The following EFCAB11 variants were observed in gnomAD, a reference collection of about 807,000 sequenced individuals.
The protein encoded by EFCAB11 is EF-hand calcium-binding domain-containing protein 11.
In EFCAB11, 14 loss-of-function variants were observed where a neutral mutation model predicts 23.0. That is an observed-to-expected ratio of 0.61 (90% CI 0.40 to 0.95). EFCAB11 has a LOEUF of 0.95. Among genes scored for constraint, EFCAB11 ranks in the 40% least tolerant of loss-of-function variants. The pLI, the probability that EFCAB11 is intolerant of heterozygous loss-of-function variation, is 0.00. For missense variants in EFCAB11, 198 were observed against 195.8 expected (o/e 1.01, Z -0.07); for synonymous variants, 65 against 66.6 (o/e 0.98, Z 0.11).
chr14:89,932,052 G>A (rs1890408899), intron 4 of EFCAB11, among the ~76,000 whole-genome samples: 1 of 152,160 alleles, frequency 6.6e-6, no homozygotes, highest in Admixed American at 6.5e-5. Flanking sequence ...CATAACAGCA[G>A]TCAAGACACT....
chr14:89,915,972 C>G (rs1215726962), intron 5 of EFCAB11, among the ~76,000 whole-genome samples: 4 of 152,180 alleles, frequency 2.6e-5, no homozygotes, highest in South Asian at 4.2e-4. Flanking sequence ...TATATGCTAT[C>G]TAGCCATCCT....
At chr14:89,903,232 T>C (rs1375538660) in intron 5 of EFCAB11, among the ~76,000 whole-genome samples, 1 of 152,222 alleles carries the variant, frequency 6.6e-6, no homozygotes, top group Non-Finnish European at 1.5e-5. Flanking sequence ...AGTTTCAGAA[T>C]CTAATTATAG....
At chr14:89,804,177 C>G (rs542556463) in intron 5 of EFCAB11, among the ~76,000 whole-genome samples, 1 of 152,216 alleles carries the variant, frequency 6.6e-6, no homozygotes, top group South Asian at 2.1e-4. Context: ...CCCTACCCCC[C>G]AAACGTGGAA....
In EFCAB11 at chr14:89,796,662, A is replaced by G. The variant is rs1885582646; in HGVS notation, c.*581T>C. Reference sequence around the variant, plus strand: ...CCTGGCTGATTGCTTGGAACATAGTAAGTATTCTGTATGTGTAGGTGCTAT... The same window carrying G: ...CCTGGCTGATTGCTTGGAACATAGTGAGTATTCTGTATGTGTAGGTGCTAT... On this transcript the variant is annotated 3_prime_UTR_variant, in exon 6 of 6. Transcript: ENST00000316738. The G allele has an allele frequency of 6.6e-6, 1 of 152,154 alleles. No individual in the cohort carries two copies. 9.4% of individuals were successfully genotyped at this position (152,154 alleles called of 1,614,324 possible). A position where few individuals can be genotyped will look rare whatever the true frequency, so the allele number is the denominator to read the frequency against.
intron 5 of EFCAB11, among the ~76,000 whole-genome samples, chr14:89,900,759 A>G (rs182368560): frequency 6.6e-6 from 1 of 152,372 alleles, no homozygotes; most frequent in African/African-American, 2.4e-5. Context: ...TGGAATTAAT[A>G]TCAGCAAATC....
intron 5 of EFCAB11, among the ~76,000 whole-genome samples, chr14:89,798,731 T>C (rs1410425805): frequency 3.3e-5 from 5 of 152,218 alleles, no homozygotes; most frequent in South Asian, 2.1e-4. Flanking sequence ...TGAATGCTTG[T>C]AGAGAAGCAA....
chr14:89,855,619 G>C (rs1346928027), intron 5 of EFCAB11, among the ~76,000 whole-genome samples: 1 of 151,548 alleles, frequency 6.6e-6, no homozygotes, highest in Non-Finnish European at 1.5e-5. Flanking sequence ...CCATTTTTTT[G>C]TTTTTGTGGC....
chr14:89,873,651 A>G (rs1888350484), intron 5 of EFCAB11, among the ~76,000 whole-genome samples: 1 of 152,180 alleles, frequency 6.6e-6, no homozygotes, highest in Non-Finnish European at 1.5e-5. Context: ...CAGATGGGAG[A>G]AATTGGCCAA....
chr14:89,895,135 G>A (rs1889115101), intron 5 of EFCAB11, among the ~76,000 whole-genome samples: 1 of 152,090 alleles, frequency 6.6e-6, no homozygotes, highest in Non-Finnish European at 1.5e-5. Context: ...AAATAGAATG[G>A]GGGTTGGCAT....
At chr14:89,935,320 G>GT (rs1164658775) in intron 3 of EFCAB11, among the ~76,000 whole-genome samples, 1 of 151,332 alleles carries the variant, frequency 6.6e-6, no homozygotes, top group African/African-American at 2.4e-5. Flanking sequence ...TGTTTGCTGA[G>GT]TAAGTAACAT....
Position 89,797,131 on chromosome 14 carries a change from A to T in EFCAB11, c.*112T>A. The T allele has an allele frequency of 9.7e-7, 1 of 1,027,042 alleles. No homozygotes were observed. The highest frequency in any genetic ancestry group is 1.4e-6 in the Non-Finnish European group (1 of 717,326). The allele number at this position is 1,027,042 out of a possible 1,614,324, so 63.6% of individuals were successfully genotyped here. A position where few individuals can be genotyped will look rare whatever the true frequency, so the allele number is the denominator to read the frequency against. On this transcript the variant is annotated 3_prime_UTR_variant, in exon 6 of 6. Transcript: ENST00000316738. ...TACTATGTACCCACAAAAATTAAAA[A>T]TTTTTAAATGTTTAATCACAAGTCT...
In EFCAB11 at chr14:89,893,225, A is replaced by G. The variant is rs532711307; in HGVS notation, c.410+38316T>C. ...GCAAAGGCAGGTGCGGGAAATTCCAAGGGGAGCTTGGCTTGGAGGCTCCTT... is the reference window on the plus strand; with the variant it reads ...GCAAAGGCAGGTGCGGGAAATTCCAGGGGGAGCTTGGCTTGGAGGCTCCTT... On this transcript the variant is annotated intron_variant, in intron 5 of 5. Coordinates refer to ENST00000316738, the MANE Select transcript of EFCAB11 (RefSeq NM_145231.4). Among the ~76,000 whole-genome samples the G allele has an allele frequency of 2.1e-3, 316 of 152,268 alleles. 1 individual carries two copies. Among genetic ancestry groups the G allele is most frequent in the African/African-American group, 7.2e-3 (300 of 41,566 alleles).
intron 5 of EFCAB11, among the ~76,000 whole-genome samples, chr14:89,903,830 A>C (rs999132151): frequency 1.3e-5 from 2 of 152,184 alleles, no homozygotes; most frequent in African/African-American, 4.8e-5. Flanking sequence ...ATCTCAAACC[A>C]CATCTATCAT....
At chr14:89,797,467 G>T in intron 5 of EFCAB11, 143 bp from the exon 6 acceptor site, 2 of 540,324 alleles carry the variant, frequency 3.7e-6, no homozygotes, top group Middle Eastern at 3.0e-4. Context: ...ATTGATGCCT[G>T]TTTTTTCATT....
intron 3 of EFCAB11, among the ~76,000 whole-genome samples, chr14:89,941,227 C>G (rs943100233): frequency 1.3e-5 from 2 of 152,146 alleles, no homozygotes; most frequent in Non-Finnish European, 2.9e-5. Context: ...CTCGTGTTTT[C>G]CTATTTGTTC....
intron 5 of EFCAB11, among the ~76,000 whole-genome samples, chr14:89,899,253 T>C (rs1487765052): frequency 6.6e-6 from 1 of 152,210 alleles, no homozygotes; most frequent in Admixed American, 6.5e-5. Flanking sequence ...AATTCTATAA[T>C]GTAAAATAAC....
At chr14:89,914,323 G>A (rs146413809) in intron 5 of EFCAB11, among the ~76,000 whole-genome samples, 129 of 152,308 alleles carry the variant, frequency 8.5e-4, no homozygotes, top group Non-Finnish European at 1.4e-3. Flanking sequence ...GGCTCAAAAA[G>A]AACTGAGTCT....
At chr14:89,802,874 T>G (rs188426029) in intron 5 of EFCAB11, among the ~76,000 whole-genome samples, 1 of 152,342 alleles carries the variant, frequency 6.6e-6, no homozygotes, top group Admixed American at 6.5e-5. Context: ...TAGTCTGAAT[T>G]TTCCAAACAA....
chr14:89,820,595 C>T (rs919059935), intron 5 of EFCAB11, among the ~76,000 whole-genome samples: 4 of 151,964 alleles, frequency 2.6e-5, no homozygotes, highest in African/African-American at 9.7e-5. Context: ...GACTCCCACT[C>T]GGCCCACATA....
Sources: allele counts gnomAD v4.1 joint callset (sites outside exome capture counted in the v4.1 genomes callset), GRCh38; gene constraint gnomAD v4.1.1; transcripts MANE v1.5; gene names NCBI Gene and HGNC (gene_info 2026-07-23, HGNC 2026-07-21).